Variants in GPC5 observed in about 807,000 individuals in gnomAD.
GPC5 encodes glypican-5.
In GPC5, 47 loss-of-function variants were observed where a neutral mutation model predicts 53.9. The observed-to-expected ratio is 0.87, with a 90% CI of 0.69 to 1.11. The LOEUF is 1.11. Among genes scored for constraint, GPC5 ranks in the 50% most tolerant of loss-of-function variants. The pLI is 0.00. For synonymous variants in GPC5, 286 were observed against 263.3 expected, an observed-to-expected ratio of 1.09 and a Z score of -0.84; for missense variants, 748 against 713.1, an observed-to-expected ratio of 1.05 and a Z score of -0.56.
Position 92,536,816 on chromosome 13 carries a change from T to G in GPC5, c.1562-329466T>G, listed in dbSNP as rs575776576. Among the ~76,000 whole-genome samples the G allele has an allele frequency of 2.0e-5, 3 of 152,236 alleles. No individual in the cohort carries two copies. The South Asian group carries it at 6.2e-4, about 32-fold the overall frequency. On this transcript the variant is annotated intron_variant, in intron 7 of 7. Coordinates refer to ENST00000377067, the MANE Select transcript of GPC5 (RefSeq NM_004466.6). ...GTATATGTATTAATATCATAATTTT[T>G]TATACATTAATGATAGAAAAAAGAG...
intron 7 of GPC5, among the ~76,000 whole-genome samples, chr13:92,829,689 C>T (rs1877983440): frequency 1.3e-5 from 2 of 151,636 alleles, no homozygotes; most frequent in Non-Finnish European, 2.9e-5. Context: ...CATTCAAATG[C>T]AAAAAAGTGT....
intron 5 of GPC5, among the ~76,000 whole-genome samples, chr13:91,796,604 C>G (rs1318358985): frequency 6.6e-6 from 1 of 152,142 alleles, no homozygotes. Flanking sequence ...AGTGAGCCCT[C>G]TTTACTACCT....
At chr13:91,865,430 G>A (rs1426723896) in intron 5 of GPC5, among the ~76,000 whole-genome samples, 1 of 152,034 alleles carries the variant, frequency 6.6e-6, no homozygotes, top group East Asian at 1.9e-4. Context: ...CAAAGACATT[G>A]GTCTAGCTAA....
At chr13:92,397,380 C>T (rs1426123141) in intron 7 of GPC5, among the ~76,000 whole-genome samples, 1 of 152,188 alleles carries the variant, frequency 6.6e-6, no homozygotes, top group Non-Finnish European at 1.5e-5. Flanking sequence ...CTCTCTTGCC[C>T]GCCACTGTGG....
intron 2 of GPC5, among the ~76,000 whole-genome samples, chr13:91,602,507 T>A (rs1046257595): frequency 6.6e-6 from 1 of 152,236 alleles, no homozygotes; most frequent in Admixed American, 6.5e-5. Context: ...TTTTATATTT[T>A]TGTCTTTAAC....
chr13:91,601,645 G>C (rs986887598), intron 2 of GPC5, among the ~76,000 whole-genome samples: 4 of 152,182 alleles, frequency 2.6e-5, no homozygotes, highest in South Asian at 4.2e-4. Flanking sequence ...CTCTGCATAC[G>C]AGGGATCTCG....
At chr13:92,612,244 T>C (rs1379582468) in intron 7 of GPC5, among the ~76,000 whole-genome samples, 2 of 152,124 alleles carry the variant, frequency 1.3e-5, no homozygotes, top group Non-Finnish European at 2.9e-5. Flanking sequence ...TATTGAAAAC[T>C]GTCATTTCAG....
At chr13:92,577,366 A>T (rs962279070) in intron 7 of GPC5, among the ~76,000 whole-genome samples, 24 of 152,102 alleles carry the variant, frequency 1.6e-4, no homozygotes, top group Non-Finnish European at 3.4e-4. Flanking sequence ...TCCAAATACT[A>T]TATAGCTAGA....
At chr13:92,616,160 T>G (rs550392928) in intron 7 of GPC5, among the ~76,000 whole-genome samples, 5 of 152,214 alleles carry the variant, frequency 3.3e-5, no homozygotes, top group African/African-American at 1.2e-4. Context: ...AGGATTTATA[T>G]TTTTCCCCAG....
chr13:92,768,627 T>TCAGTTTC (rs1483191911), intron 7 of GPC5, among the ~76,000 whole-genome samples: 2 of 152,120 alleles, frequency 1.3e-5, no homozygotes, highest in African/African-American at 4.8e-5. Context: ...TCCCCCATAG[T>TCAGTTTC]CAGTTTCCCC....
chr13:91,654,925 T>C lies in GPC5; in HGVS notation c.326-38262T>C, dbSNP rs557939668. Among the ~76,000 whole-genome samples the C allele has an allele frequency of 2.6e-3, 390 of 152,304 alleles. 4 individuals are homozygous for C. Among genetic ancestry groups the C allele is most frequent in the African/African-American group, 8.2e-3 (343 of 41,578 alleles). On this transcript the variant is annotated intron_variant, in intron 2 of 7. Coordinates refer to ENST00000377067, the MANE Select transcript of GPC5 (RefSeq NM_004466.6). ...TTGCTTATTGTTCTATAATTGTATC[T>C]GTAACACAGTATTGCAATAATTTTC...
intron 7 of GPC5, among the ~76,000 whole-genome samples, chr13:92,343,986 A>G (rs2043388480): frequency 6.6e-6 from 1 of 152,094 alleles, no homozygotes; most frequent in Non-Finnish European, 1.5e-5. Flanking sequence ...GATAATGAGG[A>G]ATAATTTTTA....
chr13:91,426,627 T>C lies in GPC5; in HGVS notation c.164-22134T>C, dbSNP rs1453010222. 2.0e-5 allele frequency among the ~76,000 whole-genome samples: 3 copies of C among 152,084 alleles called. No individual in the cohort carries two copies. The East Asian group carries it at 5.8e-4, about 29-fold the overall frequency. On this transcript the variant is annotated intron_variant, in intron 1 of 7. Transcript: ENST00000377067. ...TAGGTTCAAGAGTCCAAAAGCTGAA[T>C]AGCTTGGAGTTTAATGTTTGAGGGC...
At chr13:92,443,816 G>A (rs1464138041) in intron 7 of GPC5, among the ~76,000 whole-genome samples, 1 of 152,148 alleles carries the variant, frequency 6.6e-6, no homozygotes, top group Non-Finnish European at 1.5e-5. Flanking sequence ...AATAAGGAAG[G>A]CAGGGAAGGG....
At chr13:92,628,304 C>T (rs1467698778) in intron 7 of GPC5, among the ~76,000 whole-genome samples, 21 of 35,648 alleles carry the variant, frequency 5.9e-4, no homozygotes, top group African/African-American at 2.1e-3. Context: ...GAGATGTAGT[C>T]TCGCTCTGTC....
At chr13:92,695,088 C>T (rs1346944479) in intron 7 of GPC5, among the ~76,000 whole-genome samples, 2 of 152,152 alleles carry the variant, frequency 1.3e-5, no homozygotes, top group African/African-American at 2.4e-5. Flanking sequence ...TGAGGCCTCC[C>T]TAGCCATGCA....
At chr13:91,438,175 T>C (rs1880134373) in intron 1 of GPC5, among the ~76,000 whole-genome samples, 1 of 152,238 alleles carries the variant, frequency 6.6e-6, no homozygotes, top group Non-Finnish European at 1.5e-5. Context: ...AAAGTCATTC[T>C]CTGTCCAGCT....
At chr13:92,742,241 C>T (rs1368218083) in intron 7 of GPC5, among the ~76,000 whole-genome samples, 2 of 151,302 alleles carry the variant, frequency 1.3e-5, no homozygotes, top group Non-Finnish European at 3.0e-5. Flanking sequence ...TCCTCTCCAG[C>T]ACCTGTTGTT....
At chr13:92,804,579 G>T (rs773542158) in intron 7 of GPC5, among the ~76,000 whole-genome samples, 5 of 152,004 alleles carry the variant, frequency 3.3e-5, no homozygotes, top group Non-Finnish European at 7.4e-5. Flanking sequence ...TCATCAACTT[G>T]TTGCTGGTGG....
Sources: allele counts gnomAD v4.1 joint callset (sites outside exome capture counted in the v4.1 genomes callset), GRCh38; gene constraint gnomAD v4.1.1; transcripts MANE v1.5; gene names NCBI Gene and HGNC (gene_info 2026-07-23, HGNC 2026-07-21).